Variants in UBR1 observed in about 807,000 individuals in gnomAD.
The protein encoded by UBR1 is ubiquitin protein ligase E3 component n-recognin 1, also known as E3 ubiquitin-protein ligase UBR1.
UBR1 carries 102 observed loss-of-function variants against 242.1 expected under a neutral mutation model. The observed-to-expected ratio is 0.42, with a 90% confidence interval of 0.36 to 0.50. UBR1 has a LOEUF of 0.50. UBR1 is among the 20% of genes least tolerant of loss of function. The probability of loss-of-function intolerance (pLI) is 0.01; values close to 1 mark genes in which losing one functional copy is unlikely to be tolerated. For missense variants in UBR1, 1,772 were observed against 2,101.8 expected, an observed-to-expected ratio of 0.84 and a Z score of 3.07; for synonymous variants, 675 against 684.8, an observed-to-expected ratio of 0.99 and a Z score of 0.22.
chr15:43,081,208 G>A (rs2033970434), intron 3 of UBR1, among the ~76,000 whole-genome samples: 1 of 152,004 alleles, frequency 6.6e-6, no homozygotes, highest in Non-Finnish European at 1.5e-5. Flanking sequence ...CACAAGGTCA[G>A]GAGTTCAAGA....
At chr15:42,994,882 C>T (rs544469279) in intron 33 of UBR1, among the ~76,000 whole-genome samples, 4 of 152,270 alleles carry the variant, frequency 2.6e-5, no homozygotes, top group African/African-American at 7.2e-5. Flanking sequence ...AATCTATCTG[C>T]GGCACCACTC....
rs974371597 is a variant in UBR1, at chr15:42,948,993, G to A, written c.5108+1269C>T. On this transcript the variant is annotated intron_variant, in intron 46 of 46. Coordinates refer to ENST00000290650, the MANE Select transcript of UBR1 (RefSeq NM_174916.3). Reference sequence around the variant, plus strand: ...ACACATGCACACGTATGTTTATTGCGGGACTATTCACAATAGCAAAGACTT... The same window carrying A: ...ACACATGCACACGTATGTTTATTGCAGGACTATTCACAATAGCAAAGACTT... Among the ~76,000 whole-genome samples, 9 of 152,050 alleles carry A rather than the reference G, an allele frequency of 5.9e-5. No individual in the cohort carries two copies. The East Asian group carries it at 9.7e-4, about 16-fold the overall frequency.
At chr15:43,047,350 G>A in intron 13 of UBR1, 61 bp from the exon 14 acceptor site, 2 of 1,611,340 alleles carry the variant, frequency 1.2e-6, no homozygotes, top group Non-Finnish European at 1.7e-6. Context: ...CTCTGCTCTT[G>A]GCAAAATATA....
chr15:42,960,151 TAAG>T (rs1300792053), intron 43 of UBR1, among the ~76,000 whole-genome samples: 1 of 152,168 alleles, frequency 6.6e-6, no homozygotes, highest in Non-Finnish European at 1.5e-5. Flanking sequence ...AATTAGTACT[TAAG>T]AAGTAGATTT....
intron 7 of UBR1, 46 bp downstream of exon 7, chr15:43,060,006 A>T (rs2033663567): frequency 3.7e-6 from 6 of 1,600,168 alleles, no homozygotes; most frequent in Non-Finnish European, 5.1e-6. Flanking sequence ...CTTGTAATGT[A>T]CATTCATCTT....
chr15:42,966,347 A>C (rs747608388), intron 40 of UBR1, 61 bp from the exon 41 acceptor site: 89 of 1,591,482 alleles, frequency 5.6e-5, no homozygotes, highest in Middle Eastern at 5.0e-4. Flanking sequence ...CCTAGATTTA[A>C]ACATATCCCC....
At position 42,952,827 on chromosome 15, in the gene UBR1, C is replaced by T. The variant is rs118012040; in HGVS notation, c.4836-379G>A. 5.1e-4 allele frequency among the ~76,000 whole-genome samples: 78 copies of T among 151,928 alleles called. 1 individual carries two copies. The East Asian group carries it at 0.014, about 27-fold the overall frequency. On this transcript the variant is annotated intron_variant, in intron 44 of 46. Coordinates refer to ENST00000290650, the MANE Select transcript of UBR1 (RefSeq NM_174916.3). ...ATTGTGTTAGTCAAGCTTGTGTCTT[C>T]GATGTTGAAGGAATATGACCTTGTA...
intron 30 of UBR1, among the ~76,000 whole-genome samples, chr15:43,006,733 A>G (rs900419544): frequency 6.6e-6 from 1 of 152,260 alleles, no homozygotes; most frequent in Non-Finnish European, 1.5e-5. Context: ...GTGACACATT[A>G]TACAAAGCAA....
rs760090004 is a variant in UBR1 at position 42,952,424 on chromosome 15, C to T, written c.4860G>A (p.Glu1620=). ...AAAGGCAGAGGACAGGATGCTTTCG[C>T]TCATCATCTGCAGACCGTGGGCACC... The part of the protein sequence containing the change: ...HFRCPRSADD[E]RKHPVLCLFC... The change falls in exon 45 of 47, where the codon GAG becomes GAA. Residue 1620 remains glutamate (E), a synonymous_variant. Coordinates refer to ENST00000290650, the MANE Select transcript of UBR1 (RefSeq NM_174916.3). The T allele has an allele frequency of 2.7e-5, 44 of 1,614,232 alleles. No homozygotes were observed. In the South Asian group the frequency reaches 3.0e-4, roughly 11 times the overall value.
chr15:43,070,765 A>G lies in UBR1; in HGVS notation c.659+30T>C, dbSNP rs1222519826. 2.5e-6 allele frequency: 4 copies of G among 1,611,214 alleles called. No individual in the cohort carries two copies. The South Asian group carries it at 4.4e-5, about 18-fold the overall frequency. The stretch of plus-strand genomic sequence containing the variant: ...TTTGCAATACAAATAACCATCACTA[A>G]AACTTGTTCCGTTTGACAGTTTTCC... On this transcript the variant is annotated intron_variant, in intron 5 of 46. Coordinates refer to ENST00000290650, the MANE Select transcript of UBR1 (RefSeq NM_174916.3).
chr15:43,060,907 G>C (rs1051198272), intron 6 of UBR1, among the ~76,000 whole-genome samples: 1 of 147,532 alleles, frequency 6.8e-6, no homozygotes, highest in Admixed American at 6.8e-5. Flanking sequence ...AATATATTTG[G>C]ACTACTAATT....
chr15:42,964,011 T>A lies in UBR1; in HGVS notation c.4624A>T (p.Ser1542Cys). The change falls in exon 42 of 47, where the codon AGC (serine) becomes TGC (cysteine). Residue 1542 changes from serine to cysteine, a missense_variant. Ser to Cys is a moderately radical substitution (Grantham distance 112). Around this residue, in one of 3 missense-constraint regions of UBR1, gnomAD observed 965 missense variants for 1,079.7 expected, o/e 0.89. Transcript: ENST00000290650. Reference protein sequence around the residue: ...SAEGEYSALCSYLSLPTNLFL... With the variant: ...SAEGEYSALCCYLSLPTNLFL... The stretch of plus-strand genomic sequence containing the variant: ...AAATTTGTAGGTAAAGATAGATAGC[T>A]ACAGAGTGCACTGTACTCTCCTTCT... 1 of 1,613,536 alleles carries A rather than the reference T, an allele frequency of 6.2e-7. No individual in the cohort carries two copies.
chr15:42,970,433 T>C, intron 40 of UBR1, 87 bp downstream of exon 40: 6 of 1,379,316 alleles, frequency 4.3e-6, no homozygotes, highest in Non-Finnish European at 6.1e-6. Flanking sequence ...TTAACTGGAA[T>C]TTAAATGATT....
At chr15:43,070,579 G>A (rs1328003684) in intron 5 of UBR1, among the ~76,000 whole-genome samples, 1 of 152,070 alleles carries the variant, frequency 6.6e-6, no homozygotes, top group East Asian at 1.9e-4. Context: ...AAAATTCAAA[G>A]CTCCTGATAC....
intron 32 of UBR1, among the ~76,000 whole-genome samples, chr15:43,000,317 G>A (rs2032704348): frequency 6.6e-6 from 1 of 152,164 alleles, no homozygotes; most frequent in Non-Finnish European, 1.5e-5. Flanking sequence ...CTAGTTCTAA[G>A]AGTTTTAAGG....
At chr15:43,103,542 C>A (rs1010591082) in intron 1 of UBR1, among the ~76,000 whole-genome samples, 5 of 152,164 alleles carry the variant, frequency 3.3e-5, no homozygotes, top group African/African-American at 1.2e-4. Context: ...AGTATCAGTT[C>A]CCCTGGTAAT....
intron 44 of UBR1, among the ~76,000 whole-genome samples, chr15:42,953,000 T>G (rs890674582): frequency 3.3e-5 from 5 of 152,080 alleles, no homozygotes; most frequent in Non-Finnish European, 5.9e-5. Flanking sequence ...CTCGGCTCAC[T>G]GCAACCTCGG....
rs2031695485 is a variant in UBR1 at position 42,944,193 on chromosome 15, A to G, written c.*1136T>C. 6.6e-6 allele frequency: 1 copy of G among 152,606 alleles called. No individual in the cohort carries two copies. Among genetic ancestry groups the G allele is most frequent in the East Asian group, 1.9e-4 (1 of 5,196 alleles). The allele number at this position is 152,606 out of a possible 1,614,324, so 9.5% of individuals were successfully genotyped here. The stretch of plus-strand genomic sequence containing the variant: ...TGCTGTTTTATATCACAATCTCTTG[A>G]TACAAAAAACAAAAGCCAGGAACCA... On this transcript the variant is annotated 3_prime_UTR_variant, in exon 47 of 47. Coordinates refer to ENST00000290650, the MANE Select transcript of UBR1 (RefSeq NM_174916.3).
chr15:42,995,269 A>AT (rs1338748044), intron 33 of UBR1, among the ~76,000 whole-genome samples: 1 of 152,178 alleles, frequency 6.6e-6, no homozygotes, highest in African/African-American at 2.4e-5. Flanking sequence ...ATTTTTTTAA[A>AT]TAAAAAGAAA....
Sources: gnomAD v4.1 joint callset for allele counts (sites outside exome capture counted in the v4.1 genomes callset) on GRCh38, gnomAD v4.1.1 for gene constraint, gnomAD v4.1.1 regional missense constraint, MANE v1.5 for transcripts, NCBI Gene and HGNC (gene_info 2026-07-23, HGNC 2026-07-21) for gene names.